FYCO1: variants seen among roughly 807,000 people sequenced by gnomAD.
FYCO1 encodes FYVE and coiled-coil domain-containing protein 1.
A neutral mutation model predicts 165.1 loss-of-function variants in FYCO1; 122 were observed. The ratio of observed to expected loss-of-function variants is 0.74; its 90% CI spans 0.64 to 0.86. The LOEUF is 0.86. Among genes scored for constraint, FYCO1 ranks in the 40% least tolerant of loss-of-function variants. FYCO1 has a pLI of 0.00. For synonymous variants in FYCO1, 648 were observed against 742.5 expected, an observed-to-expected ratio of 0.87 and a Z score of 2.07; for missense variants, 1,702 against 1,810.3, an observed-to-expected ratio of 0.94 and a Z score of 1.09.
rs1338164478 is a variant in FYCO1, at chr3:45,955,413, C to T, written c.3800-20G>A. 6.2e-7 allele frequency: 1 copy of T among 1,613,992 alleles called. No individual in the cohort carries two copies. Among genetic ancestry groups the T allele is most frequent in the Non-Finnish European group, 8.5e-7 (1 of 1,179,994 alleles). ...TTGCTCCTGGGCAGCAGAGGCAGAT[C>T]AGGAGAGAAGAGACACAACACACTG... is the stretch of plus-strand genomic sequence containing the variant. On this transcript the variant is annotated intron_variant, in intron 13 of 17. Transcript: ENST00000296137.
intron 14 of FYCO1, chr3:45,947,642 T>C: frequency 2.8e-6 from 2 of 710,652 alleles, no homozygotes; most frequent in South Asian, 3.7e-5. Flanking sequence ...CTGGCTGGTT[T>C]GGAATGCTTC....
At chr3:45,936,308 G>A in intron 15 of FYCO1, 140 bp downstream of exon 15, 1 of 674,380 alleles carries the variant, frequency 1.5e-6, no homozygotes, top group Non-Finnish European at 2.7e-6. Context: ...TATAAGCTAT[G>A]CCTGAAAAAA....
intron 17 of FYCO1, among the ~76,000 whole-genome samples, chr3:45,922,347 T>C (rs1703124247): frequency 6.6e-6 from 1 of 152,236 alleles, no homozygotes; most frequent in African/African-American, 2.4e-5. Context: ...GGGAGCCTGC[T>C]CGGGCTTGGG....
chr3:45,949,728 C>G (rs1704879725), intron 14 of FYCO1, among the ~76,000 whole-genome samples: 1 of 152,198 alleles, frequency 6.6e-6, no homozygotes, highest in African/African-American at 2.4e-5. Context: ...GACCATGGGG[C>G]TTTCCCTGAC....
At chr3:45,994,557 G>T (rs1707706099) in intron 1 of FYCO1, among the ~76,000 whole-genome samples, 1 of 152,140 alleles carries the variant, frequency 6.6e-6, no homozygotes, top group African/African-American at 2.4e-5. Context: ...CAGAAGGGAG[G>T]GTCAAGTGGA....
chr3:45,987,213 G>A (rs532505034), intron 1 of FYCO1, among the ~76,000 whole-genome samples: 1 of 152,340 alleles, frequency 6.6e-6, no homozygotes, highest in South Asian at 2.1e-4. Context: ...ATCAGTAGCT[G>A]CCAGGGTCTA....
intron 13 of FYCO1, 37 bp from the exon 14 acceptor site, chr3:45,955,430 A>C: frequency 6.2e-7 from 1 of 1,613,314 alleles, no homozygotes; most frequent in South Asian, 1.1e-5. Flanking sequence ...GAAGAGACAC[A>C]ACACACTGTT....
intron 16 of FYCO1, among the ~76,000 whole-genome samples, chr3:45,928,921 T>C (rs1021064713): frequency 4.6e-5 from 7 of 152,262 alleles, no homozygotes; most frequent in African/African-American, 1.4e-4. Context: ...GAGTCCAGTA[T>C]ACAGGACACA....
At position 45,955,366 on chromosome 3, in the gene FYCO1, T is replaced by C; in HGVS notation, c.3827A>G (p.Asp1276Gly). The C allele has an allele frequency of 1.2e-6, 2 of 1,614,142 alleles. No individual in the cohort carries two copies. Among genetic ancestry groups the C allele is most frequent in the Non-Finnish European group, 1.7e-6 (2 of 1,180,022 alleles). ...QGANTDYRPP[D>G]DAVFDIITDE... Reference sequence around the variant, plus strand: ...TGTGATGATATCAAACACAGCGTCGTCCGGTGGCCTGTAGTCTGTATTTGC... The same window carrying C: ...TGTGATGATATCAAACACAGCGTCGCCCGGTGGCCTGTAGTCTGTATTTGC... Residue 1276 changes from aspartate (D) to glycine (G), a missense_variant, in exon 14 of 18, where the codon GAC becomes GGC. Transcript: ENST00000296137.
chr3:45,977,620 C>T (rs912167480), intron 4 of FYCO1, among the ~76,000 whole-genome samples: 1 of 151,688 alleles, frequency 6.6e-6, no homozygotes, highest in African/African-American at 2.4e-5. Context: ...AGGAAATCTG[C>T]AGGGTACAGG....
At position 45,967,766 on chromosome 3, in the gene FYCO1, G is replaced by A; in HGVS notation, c.1568C>T (p.Ala523Val). The change falls in exon 8 of 18, where the codon GCA becomes GTA. Residue 523 changes from alanine to valine, a missense_variant. By Grantham distance (64) the Ala-to-Val change is moderately conservative. Coordinates refer to ENST00000296137, the MANE Select transcript of FYCO1 (RefSeq NM_024513.4). Reference sequence around the variant, plus strand: ...GTCACTCACATGTTGGCTCACCTGTGCCAGCTGGGTCTCCAGGAACTGCAG... The same window carrying A: ...GTCACTCACATGTTGGCTCACCTGTACCAGCTGGGTCTCCAGGAACTGCAG... ...RQLQFLETQL[A>V]QVSQHVSDLE... 3.7e-6 allele frequency: 6 copies of A among 1,613,568 alleles called. No homozygotes were observed. The highest frequency in any genetic ancestry group is 5.1e-6 in the Non-Finnish European group (6 of 1,180,022).
chr3:45,928,052 A>G (rs1703405731), intron 16 of FYCO1, among the ~76,000 whole-genome samples: 1 of 152,246 alleles, frequency 6.6e-6, no homozygotes, highest in African/African-American at 2.4e-5. Flanking sequence ...ATCTAGAATC[A>G]GCATATCCAC....
chr3:45,926,690 C>T (rs1703333998), intron 16 of FYCO1, among the ~76,000 whole-genome samples: 2 of 152,220 alleles, frequency 1.3e-5, no homozygotes, highest in Admixed American at 1.3e-4. Flanking sequence ...TCCGGCCAGG[C>T]ACGGTGGCTC....
chr3:45,977,350 AATATATATATATATATATAT>A (rs57543574), intron 4 of FYCO1, among the ~76,000 whole-genome samples: 1,270 of 112,580 alleles, frequency 0.011, 27 homozygotes, highest in African/African-American at 0.021. Flanking sequence ...AACTGAATTA[AATATATATATATATATATAT>A]ATATATATAT....
At chr3:45,986,676 C>T (rs1011858727) in intron 1 of FYCO1, among the ~76,000 whole-genome samples, 6 of 152,136 alleles carry the variant, frequency 3.9e-5, no homozygotes, top group African/African-American at 1.2e-4. Context: ...CCCCCCAAAC[C>T]TCCCAACAAG....
chr3:45,950,137 C>G lies in FYCO1; in HGVS notation c.3944+5112G>C, dbSNP rs373364694. 3.9e-4 allele frequency among the ~76,000 whole-genome samples: 59 copies of G among 152,198 alleles called. No homozygotes were observed. In the East Asian group the frequency reaches 4.9e-3, roughly 13 times the overall value. ...CCACCCTTCTCCCTTCCATTTGGCT[C>G]TCCCTTCTGCTTGTCCACACCAGCA... On this transcript the variant is annotated intron_variant, in intron 14 of 17. Coordinates refer to ENST00000296137, the MANE Select transcript of FYCO1 (RefSeq NM_024513.4).
intron 13 of FYCO1, among the ~76,000 whole-genome samples, chr3:45,956,374 AAATAAAT>A (rs1705326633): frequency 3.8e-5 from 5 of 133,076 alleles, no homozygotes; most frequent in Admixed American, 3.2e-4. Flanking sequence ...ATAAATAAAT[AAATAAAT>A]GAGTAGACAG....
At chr3:45,922,714 G>A (rs1454333909) in intron 17 of FYCO1, among the ~76,000 whole-genome samples, 1 of 152,188 alleles carries the variant, frequency 6.6e-6, no homozygotes, top group African/African-American at 2.4e-5. Context: ...TCCTCTGGTG[G>A]GCACTCTTGG....
At chr3:45,946,560 C>T (rs1351501441) in intron 14 of FYCO1, 2 of 1,614,180 alleles carry the variant, frequency 1.2e-6, no homozygotes, top group Admixed American at 1.7e-5. Context: ...TCAAGACTTC[C>T]TGCAGTTCAG....
Sources: allele counts gnomAD v4.1 joint callset (sites outside exome capture counted in the v4.1 genomes callset), GRCh38; gene constraint gnomAD v4.1.1; transcripts MANE v1.5; gene names NCBI Gene and HGNC (gene_info 2026-07-23, HGNC 2026-07-21).